SYNJ2: variants seen among roughly 807,000 people sequenced by gnomAD.
SYNJ2 encodes polyphosphatidylinositol phosphatase SYNJ2.
SYNJ2 carries 116 observed loss-of-function variants against 141.3 expected under a neutral mutation model. The observed-to-expected ratio is 0.82, with a 90% CI of 0.71 to 0.96. SYNJ2 has a LOEUF of 0.96. SYNJ2 is among the 40% of genes least tolerant of loss of function. The pLI, the probability that SYNJ2 is intolerant of heterozygous loss-of-function variation, is 0.00. For synonymous variants in SYNJ2, 745 were observed against 777.7 expected (o/e 0.96, Z 0.70); for missense variants, 1,873 against 1,934.8 (o/e 0.97, Z 0.60).
chr6:158,080,545 G>C (rs1345511430), intron 18 of SYNJ2, among the ~76,000 whole-genome samples: 1 of 147,568 alleles, frequency 6.8e-6, no homozygotes, highest in African/African-American at 2.5e-5. Flanking sequence ...TGCTGTAAAT[G>C]ATCAACCTCA....
intron 1 of SYNJ2, among the ~76,000 whole-genome samples, chr6:157,988,001 G>A (rs955195038): frequency 1.2e-4 from 18 of 152,236 alleles, no homozygotes; most frequent in African/African-American, 4.1e-4. Context: ...TCTAGCCCCG[G>A]GCAAGAGAGG....
Position 158,074,731 on chromosome 6 carries a change from G to A in SYNJ2, c.2285G>A (p.Ser762Asn), listed in dbSNP as rs746899141. ...EFDQLQLQKS[S>N]GKIFKDFHEG... is the part of the protein sequence containing the mutation. Reference sequence around the variant, plus strand: ...GATCAACTACAGCTACAGAAATCAAGTGGAAAAGTAAGTTGTGCTTTAAAA... The same window carrying A: ...GATCAACTACAGCTACAGAAATCAAATGGAAAAGTAAGTTGTGCTTTAAAA... Residue 762 changes from serine to asparagine, a missense_variant, in exon 16 of 27, where the codon AGT (serine) becomes AAT (asparagine). By Grantham distance (46) the Ser-to-Asn change is conservative (BLOSUM62 1). Coordinates refer to ENST00000355585, the MANE Select transcript of SYNJ2 (RefSeq NM_003898.4). The A allele has an allele frequency of 6.2e-7, 1 of 1,611,784 alleles. No individual in the cohort carries two copies. The highest frequency in any genetic ancestry group is 8.5e-7 in the Non-Finnish European group (1 of 1,179,552).
intron 1 of SYNJ2, among the ~76,000 whole-genome samples, chr6:157,996,835 A>G (rs1583291432): frequency 6.6e-6 from 1 of 152,168 alleles, no homozygotes; most frequent in Non-Finnish European, 1.5e-5. Context: ...ACCATGAGTA[A>G]AAGCTCCCCG....
intron 5 of SYNJ2, among the ~76,000 whole-genome samples, chr6:158,044,102 G>A (rs1221925303): frequency 2.0e-5 from 3 of 152,210 alleles, no homozygotes; most frequent in Admixed American, 6.5e-5. Flanking sequence ...TGTCCCGAGG[G>A]GACGTGGGTG....
At position 158,081,256 on chromosome 6, in the gene SYNJ2, C is replaced by T. The variant is rs530964245; in HGVS notation, c.2715C>T (p.Asn905=). 4.3e-6 allele frequency: 7 copies of T among 1,614,114 alleles called. No individual in the cohort carries two copies. The highest frequency in any genetic ancestry group is 2.7e-5 in the African/African-American group (2 of 75,024). The change falls in exon 19 of 27, where the codon AAC becomes AAT. Residue 905 remains asparagine, a synonymous_variant. Coordinates refer to ENST00000355585, the MANE Select transcript of SYNJ2 (RefSeq NM_003898.4). The stretch of plus-strand genomic sequence containing the variant: ...AATCACCGACCTTAGAAGAGAAAAA[C>T]GAGTTTCCAGAGGACCTGCGTACTG... ...NLQSPTLEEK[N]EFPEDLRTEL... is the part of the protein sequence containing the mutation.
At chr6:158,011,584 C>G (rs73796724) in intron 1 of SYNJ2, among the ~76,000 whole-genome samples, 1 of 152,066 alleles carries the variant, frequency 6.6e-6, no homozygotes, top group Non-Finnish European at 1.5e-5. Flanking sequence ...GATAGAAAGT[C>G]GTGTTTTTAC....
In SYNJ2 at chr6:158,043,275, A is replaced by C; in HGVS notation, c.712-41A>C. On this transcript the variant is annotated intron_variant, in intron 4 of 26. Transcript: ENST00000355585. The surrounding 1 kb of genome is among the most constrained non-coding windows in gnomAD (Gnocchi z 4.0). The stretch of plus-strand genomic sequence containing the variant: ...TACCCAGCCCAGGACGTTCGGTTTC[A>C]TTGAAGAATACCTTTCCCTTTCTGT... The C allele has an allele frequency of 1.3e-6, 2 of 1,584,324 alleles. No individual in the cohort carries two copies. Among genetic ancestry groups the C allele is most frequent in the Non-Finnish European group, 1.7e-6 (2 of 1,153,646 alleles).
intron 1 of SYNJ2, among the ~76,000 whole-genome samples, chr6:158,008,968 G>A (rs1358977101): frequency 6.6e-6 from 1 of 152,220 alleles, no homozygotes. Flanking sequence ...TGAACCTTCA[G>A]TCACACTGCC....
chr6:158,006,633 T>C (rs1407094642), intron 1 of SYNJ2, among the ~76,000 whole-genome samples: 1 of 152,208 alleles, frequency 6.6e-6, no homozygotes, highest in African/African-American at 2.4e-5. Context: ...GATTATTTTA[T>C]TTTATTGCTG....
rs765983758 is a variant in SYNJ2 at position 158,063,850 on chromosome 6, T to C, written c.1187T>C (p.Val396Ala). ...GACTGCCTGGACCGAACCAACACTG[T>C]GCAGAGCTTCATCGCGCTCGAGGTG... ...CLDCLDRTNT[V>A]QSFIALEVLH... The change falls in exon 9 of 27, where the codon GTG becomes GCG. Residue 396 changes from valine (V) to alanine (A), a missense_variant. Transcript: ENST00000355585. 6.2e-7 allele frequency: 1 copy of C among 1,613,656 alleles called. No homozygotes were observed. Among genetic ancestry groups the C allele is most frequent in the South Asian group, 1.1e-5 (1 of 91,072 alleles).
intron 4 of SYNJ2, among the ~76,000 whole-genome samples, chr6:158,042,482 T>C (rs369501179): frequency 6.6e-6 from 1 of 152,264 alleles, no homozygotes; most frequent in South Asian, 2.1e-4. Flanking sequence ...CAGGCCGCCC[T>C]GCCAGGCCAG....
intron 13 of SYNJ2, among the ~76,000 whole-genome samples, 192 bp downstream of exon 13, chr6:158,068,920 C>T (rs1236051488): frequency 6.6e-6 from 1 of 152,202 alleles, no homozygotes; most frequent in African/African-American, 2.4e-5. Context: ...CTTTCCCTGC[C>T]ACTTAGGAAG....
chr6:158,017,147 A>T, intron 1 of SYNJ2, 57 bp from the exon 2 acceptor site: 1 of 1,583,546 alleles, frequency 6.3e-7, no homozygotes, highest in African/African-American at 1.4e-5. Context: ...GGTGTGAATG[A>T]ACAGGAATGA....
intron 12 of SYNJ2, 155 bp downstream of exon 12, chr6:158,066,790 A>G: frequency 9.3e-6 from 8 of 857,676 alleles, no homozygotes; most frequent in Non-Finnish European, 1.4e-5. Context: ...ACTCTCAAGA[A>G]TGCTGCCTCG....
chr6:158,067,930 C>A, intron 12 of SYNJ2: 1 of 985,276 alleles, frequency 1.0e-6, no homozygotes, highest in Non-Finnish European at 1.2e-6. Flanking sequence ...CCTCCAGTCC[C>A]CACGAAAGTG....
At chr6:157,993,724 T>G (rs1444612497) in intron 1 of SYNJ2, among the ~76,000 whole-genome samples, 10 of 148,344 alleles carry the variant, frequency 6.7e-5, no homozygotes, top group Non-Finnish European at 1.0e-4. Flanking sequence ...TTTTTTTTTT[T>G]TTTTTTTTTT....
At chr6:158,066,931 G>A (rs1017571564) in intron 12 of SYNJ2, among the ~76,000 whole-genome samples, 2 of 152,146 alleles carry the variant, frequency 1.3e-5, no homozygotes, top group East Asian at 1.9e-4. Flanking sequence ...GTCACCAGTC[G>A]GAAGGTGTGG....
rs1781856277 is a variant in SYNJ2, at chr6:158,070,594, C to T, written c.1940+921C>T. 1.2e-6 allele frequency: 1 copy of T among 837,746 alleles called. No homozygotes were observed. The highest frequency in any genetic ancestry group is 1.4e-6 in the Non-Finnish European group (1 of 695,582). 51.9% of individuals were successfully genotyped at this position (837,746 alleles called of 1,614,324 possible). A position where few individuals can be genotyped will look rare whatever the true frequency, so the allele number is the denominator to read the frequency against. ...TCAGAGCTGAGGAGAGCCAGGTTTC[C>T]CAGGCTCGGTGTCCTCGGCTTCACG... On this transcript the variant is annotated intron_variant, in intron 14 of 26. Transcript: ENST00000355585. This position sits in a 1 kb window ranked among gnomAD's most constrained non-coding sequence, Gnocchi z 4.0.
At position 158,069,588 on chromosome 6, in the gene SYNJ2, CAT is replaced by C; in HGVS notation, c.1857_1858del (p.His619GlnfsTer65). On this transcript the variant is annotated frameshift_variant, in exon 14 of 27. Transcript: ENST00000355585. LOFTEE classifies it high-confidence loss of function. ...EQLQKAISRS[H>X]RYILLTSAQL... ...GCTTCAGAAAGCCATCTCACGCTCT[CAT>C]AGATACATTCTGTTGACTTCGGCAC... is the stretch of plus-strand genomic sequence containing the variant. 1 of 1,614,110 alleles carries C rather than the reference CAT, an allele frequency of 6.2e-7. No homozygotes were observed. Among genetic ancestry groups the C allele is most frequent in the Non-Finnish European group, 8.5e-7 (1 of 1,179,988 alleles).
Sources: gnomAD v4.1 joint callset for allele counts (sites outside exome capture counted in the v4.1 genomes callset) on GRCh38, gnomAD v4.1.1 for gene constraint, Gnocchi (gnomAD v3.1) non-coding constraint, MANE v1.5 for transcripts, NCBI Gene and HGNC (gene_info 2026-07-23, HGNC 2026-07-21) for gene names.